Variants in MARCHF7 observed in about 807,000 individuals in gnomAD.
The protein encoded by MARCHF7 is membrane associated ring-CH-type finger 7.
In MARCHF7, 20 loss-of-function variants were observed where a neutral mutation model predicts 76.5. That is an observed-to-expected ratio of 0.26 (90% confidence interval 0.18 to 0.38). The LOEUF (loss-of-function observed/expected upper bound fraction) is 0.38, where lower values mean the gene tolerates loss of function less well. Ranked by LOEUF, MARCHF7 falls within the 10% of genes least tolerant of loss-of-function variation. The probability of loss-of-function intolerance (pLI) is 1.00; values close to 1 mark genes in which losing one functional copy is unlikely to be tolerated. For missense variants in MARCHF7, 797 were observed against 812.9 expected (o/e 0.98, Z 0.24); for synonymous variants, 295 against 293.0 (o/e 1.01, Z -0.07).
chr2:159,752,682 A>C (rs762170028), intron 8 of MARCHF7, 111 bp downstream of exon 8: 82 of 1,048,064 alleles, frequency 7.8e-5, no homozygotes, highest in Non-Finnish European at 9.9e-5. Flanking sequence ...CAAGTGTCTT[A>C]ATCATTTTTG....
At chr2:159,744,268 G>A (rs111741365) in intron 5 of MARCHF7, among the ~76,000 whole-genome samples, 6,465 of 152,102 alleles carry the variant, frequency 0.043, 430 homozygotes, top group African/African-American at 0.14. Context: ...GATTACAGGC[G>A]TGAGCCACCG....
rs150824327 is a variant in MARCHF7, at chr2:159,770,709, A to G, written c.*3367A>G. 3.0e-4 allele frequency: 45 copies of G among 152,272 alleles called. No homozygotes were observed. Among genetic ancestry groups the G allele is most frequent in the East Asian group, 1.2e-3 (6 of 5,186 alleles). 9.4% of individuals were successfully genotyped at this position (152,272 alleles called of 1,614,324 possible). A position where few individuals can be genotyped will look rare whatever the true frequency, so the allele number is the denominator to read the frequency against. On this transcript the variant is annotated 3_prime_UTR_variant, in exon 12 of 12. Coordinates refer to ENST00000409175, the MANE Select transcript of MARCHF7 (RefSeq NM_001282805.2). ...TTAGATACACAAATATTGTGTTACA[A>G]TTGTCTGCAGTATTCAGCACAGTAA... is the stretch of plus-strand genomic sequence containing the variant.
At chr2:159,751,986 A>C (rs1280282374) in intron 7 of MARCHF7, among the ~76,000 whole-genome samples, 1 of 152,184 alleles carries the variant, frequency 6.6e-6, no homozygotes. Flanking sequence ...GGCAAAAGTG[A>C]TAAGTTTATC....
intron 4 of MARCHF7, among the ~76,000 whole-genome samples, chr2:159,741,307 TGCCAC>T (rs1704092259): frequency 1.3e-5 from 2 of 152,224 alleles, no homozygotes; most frequent in South Asian, 4.1e-4. Context: ...GCTGTGATTG[TGCCAC>T]TGCACTCCAG....
intron 10 of MARCHF7, among the ~76,000 whole-genome samples, chr2:159,763,815 TTTTC>T (rs551413395): frequency 1.7e-3 from 259 of 152,258 alleles, no homozygotes; most frequent in Non-Finnish European, 3.1e-3. Context: ...AGTAAAAAAT[TTTTC>T]TTTATTTTAT....
At chr2:159,713,403 C>T (rs541460747) in intron 1 of MARCHF7, among the ~76,000 whole-genome samples, 21 of 152,176 alleles carry the variant, frequency 1.4e-4, no homozygotes, top group Non-Finnish European at 2.8e-4. Flanking sequence ...TTGGGAAAGT[C>T]TATCTGGGTA....
chr2:159,729,735 T>G (rs573241929), intron 4 of MARCHF7, among the ~76,000 whole-genome samples: 1 of 151,862 alleles, frequency 6.6e-6, no homozygotes, highest in East Asian at 1.9e-4. Context: ...TAAGTATAAA[T>G]TTAACTAAAC....
At chr2:159,757,588 A>T (rs1706489730) in intron 8 of MARCHF7, among the ~76,000 whole-genome samples, 1 of 152,202 alleles carries the variant, frequency 6.6e-6, no homozygotes, top group South Asian at 2.1e-4. Flanking sequence ...GGCTGCAGCG[A>T]GCCGTGATCA....
chr2:159,719,397 C>T (rs1012288360), intron 3 of MARCHF7, among the ~76,000 whole-genome samples: 9 of 151,990 alleles, frequency 5.9e-5, no homozygotes, highest in South Asian at 2.1e-4. Context: ...ACCACCACCC[C>T]GCCCACTCCC....
In MARCHF7 at chr2:159,748,420, C is replaced by A; in HGVS notation, c.1130C>A (p.Ser377Tyr). The change falls in exon 7 of 12, where the codon TCT becomes TAT. Residue 377 changes from serine to tyrosine, a missense_variant. By Grantham distance (144) the Ser-to-Tyr change is moderately radical. Around this residue, in one of 3 missense-constraint regions of MARCHF7, gnomAD observed 643 missense variants for 631.5 expected, o/e 1.02. Coordinates refer to ENST00000409175, the MANE Select transcript of MARCHF7 (RefSeq NM_001282805.2). ...ESDSENFNQE[S>Y]EGRNTGPWLS... ...GATTCAGAAAATTTTAACCAAGAAT[C>A]TGAAGGTAGAAATACAGGACCATGG... The A allele has an allele frequency of 6.2e-7, 1 of 1,614,052 alleles. No homozygotes were observed. The highest frequency in any genetic ancestry group is 8.5e-7 in the Non-Finnish European group (1 of 1,180,024).
At chr2:159,734,302 G>A (rs944764363) in intron 4 of MARCHF7, among the ~76,000 whole-genome samples, 8 of 147,762 alleles carry the variant, frequency 5.4e-5, no homozygotes, top group African/African-American at 1.5e-4. Context: ...GGTTGTAGGG[G>A]CTTTTTAAAG....
In MARCHF7 at chr2:159,762,895, A is replaced by G; in HGVS notation, c.1909A>G (p.Ile637Val). ...CCTGTTGAAGGCTGAGTATGAGTTT[A>G]TCAGCTCTGGTCTCTACCTAGTGGT... The part of the protein sequence containing the change: ...HANEQAEYEF[I>V]SSGLYLVVLL... The change falls in exon 10 of 12, where the codon ATC (isoleucine) becomes GTC (valine). Residue 637 changes from isoleucine (I) to valine (V), a missense_variant. By Grantham distance (29) the Ile-to-Val change is conservative. Coordinates refer to ENST00000409175, the MANE Select transcript of MARCHF7 (RefSeq NM_001282805.2). The G allele has an allele frequency of 3.1e-6, 5 of 1,607,872 alleles. No homozygotes were observed. Among genetic ancestry groups the G allele is most frequent in the Non-Finnish European group, 4.2e-6 (5 of 1,177,768 alleles).
intron 6 of MARCHF7, among the ~76,000 whole-genome samples, chr2:159,747,196 G>A (rs1165107450): frequency 1.3e-5 from 2 of 151,972 alleles, no homozygotes; most frequent in Non-Finnish European, 2.9e-5. Context: ...TTCCTAGCCA[G>A]TATTTTAGCA....
At chr2:159,760,024 C>G (rs1002047377) in intron 9 of MARCHF7, among the ~76,000 whole-genome samples, 9 of 152,122 alleles carry the variant, frequency 5.9e-5, no homozygotes, top group African/African-American at 2.2e-4. Context: ...ACATAAAAAC[C>G]ATTTTGTGCA....
intron 8 of MARCHF7, among the ~76,000 whole-genome samples, chr2:159,758,278 A>G (rs748705678): frequency 1.4e-4 from 22 of 152,254 alleles, no homozygotes; most frequent in Non-Finnish European, 2.8e-4. Context: ...AAGCTTAGGA[A>G]TAATCAAATG....
chr2:159,747,829 A>G lies in MARCHF7; in HGVS notation c.539A>G (p.Tyr180Cys), dbSNP rs773660726. The G allele has an allele frequency of 6.3e-7, 1 of 1,587,586 alleles. No individual in the cohort carries two copies. Among genetic ancestry groups the G allele is most frequent in the East Asian group, 2.2e-5 (1 of 44,748 alleles). The stretch of plus-strand genomic sequence containing the variant: ...GATGTTCAAGACAGAGTTCCTTCAT[A>G]TTCACAAGGAGCAAGACCAAAAGAA... ...SSYVQDRVPSYSQGARPKENS... is the reference protein window; with the variant it reads ...SSYVQDRVPSCSQGARPKENS... Residue 180 changes from tyrosine to cysteine, a missense_variant, in exon 7 of 12, where the codon TAT (tyrosine) becomes TGT (cysteine). This residue lies in a region of MARCHF7 where 643 missense variants were observed against 631.5 expected (regional missense o/e 1.02). Coordinates refer to ENST00000409175, the MANE Select transcript of MARCHF7 (RefSeq NM_001282805.2).
At chr2:159,717,997 T>C (rs1174936483) in intron 3 of MARCHF7, among the ~76,000 whole-genome samples, 1 of 152,216 alleles carries the variant, frequency 6.6e-6, no homozygotes, top group African/African-American at 2.4e-5. Flanking sequence ...CAACAAAATT[T>C]CTACTGAGCT....
intron 4 of MARCHF7, among the ~76,000 whole-genome samples, chr2:159,742,038 C>G (rs1704188768): frequency 6.6e-6 from 1 of 152,106 alleles, no homozygotes. Flanking sequence ...AGGAGACAAA[C>G]TGTTGCCTTT....
At chr2:159,767,107 G>A (rs1431178069) in intron 11 of MARCHF7, among the ~76,000 whole-genome samples, 177 bp from the exon 12 acceptor site, 1 of 152,022 alleles carries the variant, frequency 6.6e-6, no homozygotes, top group African/African-American at 2.4e-5. Context: ...TTGTGGTTGG[G>A]TATCACCCAC....
Sources: allele counts gnomAD v4.1 joint callset (sites outside exome capture counted in the v4.1 genomes callset), GRCh38; gene constraint gnomAD v4.1.1; regional missense constraint gnomAD v4.1.1; transcripts MANE v1.5; gene names NCBI Gene and HGNC (gene_info 2026-07-23, HGNC 2026-07-21).